Variants in LINC00237 observed in about 807,000 individuals in gnomAD.
The protein encoded by LINC00237 is long intergenic non-protein coding RNA 237.
At chr20:21,105,128 G>A (rs2030981808) in intron 1 of LINC00237, among the ~76,000 whole-genome samples, 1 of 152,160 alleles carries the variant, frequency 6.6e-6, no homozygotes, top group Non-Finnish European at 1.5e-5. Context: ...GAAGGAAAGC[G>A]GGCAGCCTGG....
intron 3 of LINC00237, chr20:21,087,683 A>T (rs1349189556): frequency 6.6e-6 from 1 of 152,212 alleles, no homozygotes; most frequent in East Asian, 1.9e-4. Context: ...TCTCTAGTAA[A>T]GCTGAACATA....
At chr20:21,086,671 A>G (rs867863836) in intron 3 of LINC00237, among the ~76,000 whole-genome samples, 2 of 6,484 alleles carry the variant, frequency 3.1e-4, no homozygotes, top group East Asian at 9.4e-3. Flanking sequence ...AGTATACTAT[A>G]TATAGTATAC....
chr20:21,087,182 T>C (rs1432244228), intron 3 of LINC00237, among the ~76,000 whole-genome samples: 2 of 151,662 alleles, frequency 1.3e-5, no homozygotes, highest in Non-Finnish European at 2.9e-5. Context: ...GTATGGATTA[T>C]GAATTAAAAA....
chr20:21,099,703 T>G (rs1012110703), intron 1 of LINC00237, among the ~76,000 whole-genome samples: 1 of 152,154 alleles, frequency 6.6e-6, no homozygotes, highest in Non-Finnish European at 1.5e-5. Context: ...TTAATGATAA[T>G]TACTTATTTT....
At chr20:21,086,080 C>T (rs148811173) in intron 3 of LINC00237, among the ~76,000 whole-genome samples, 7 of 152,272 alleles carry the variant, frequency 4.6e-5, no homozygotes, top group Admixed American at 6.5e-5. Flanking sequence ...TCTAAGCAAA[C>T]GCTGCTTAAA....
intron 1 of LINC00237, among the ~76,000 whole-genome samples, chr20:21,099,126 T>C (rs2030896497): frequency 6.6e-6 from 1 of 152,224 alleles, no homozygotes; most frequent in Non-Finnish European, 1.5e-5. Context: ...AAAGGATGTG[T>C]GCCCTCTCCA....
intron 1 of LINC00237, among the ~76,000 whole-genome samples, chr20:21,100,591 ATT>A (rs534942574): frequency 6.7e-6 from 1 of 150,062 alleles, no homozygotes; most frequent in African/African-American, 2.4e-5. Flanking sequence ...CCCCAAAAAC[ATT>A]TTTTTTTTCT....
At chr20:21,095,491 G>A (rs1003133991) in intron 1 of LINC00237, among the ~76,000 whole-genome samples, 1 of 152,214 alleles carries the variant, frequency 6.6e-6, no homozygotes, top group African/African-American at 2.4e-5. Flanking sequence ...GTAGGATAAA[G>A]AGGAGTACAC....
At chr20:21,104,654 TA>T (rs1007343226) in intron 1 of LINC00237, among the ~76,000 whole-genome samples, 2 of 152,162 alleles carry the variant, frequency 1.3e-5, no homozygotes, top group African/African-American at 4.8e-5. Flanking sequence ...TTTTTTTTCC[TA>T]AGAAGGGTTT....
chr20:21,099,973 T>C (rs935044982), intron 1 of LINC00237, among the ~76,000 whole-genome samples: 1 of 152,206 alleles, frequency 6.6e-6, no homozygotes, highest in Non-Finnish European at 1.5e-5. Flanking sequence ...ATTGGAGATG[T>C]GCATGGAATA....
intron 3 of LINC00237, among the ~76,000 whole-genome samples, chr20:21,087,001 T>A (rs1447029888): frequency 7.0e-6 from 1 of 143,868 alleles, no homozygotes; most frequent in Non-Finnish European, 1.5e-5. Context: ...ACATATATAG[T>A]ACATATATAG....
At chr20:21,086,630 GTATAC>G (rs2030701606) in intron 3 of LINC00237, among the ~76,000 whole-genome samples, 2 of 129,488 alleles carry the variant, frequency 1.5e-5, no homozygotes, top group Admixed American at 1.6e-4. Flanking sequence ...ACTATATATA[GTATAC>G]TATATATAGT....
intron 1 of LINC00237, among the ~76,000 whole-genome samples, chr20:21,103,120 C>T (rs1291637539): frequency 6.6e-6 from 1 of 152,266 alleles, no homozygotes; most frequent in Non-Finnish European, 1.5e-5. Context: ...GCGCACTCCC[C>T]GGCCTCAGAG....
In LINC00237 at chr20:21,101,996, T is replaced by A. The variant is rs2030938798; in HGVS notation, n.88+4275A>T. Among the ~76,000 whole-genome samples the A allele has an allele frequency of 6.6e-6, 1 of 152,224 alleles. No homozygotes were observed. Among genetic ancestry groups the A allele is most frequent in the African/African-American group, 2.4e-5 (1 of 41,476 alleles). On this transcript the variant is annotated intron_variant and non_coding_transcript_variant, in intron 1 of 3. Transcript: ENST00000691244. The surrounding 1 kb of genome is among the most constrained non-coding windows in gnomAD (Gnocchi z 4.3). The stretch of plus-strand genomic sequence containing the variant: ...CAGCCCCAGGCCGGCTTTGGATCCT[T>A]GGAGGCGGATACGCAAGGCCAGACC...
At chr20:21,102,146 A>G (rs899670491) in intron 1 of LINC00237, among the ~76,000 whole-genome samples, 1 of 152,242 alleles carries the variant, frequency 6.6e-6, no homozygotes, top group Admixed American at 6.5e-5. Flanking sequence ...TTGCGAACAG[A>G]GACCTGGCGA....
At chr20:21,098,675 G>A (rs1332720008) in intron 1 of LINC00237, among the ~76,000 whole-genome samples, 1 of 152,206 alleles carries the variant, frequency 6.6e-6, no homozygotes, top group Non-Finnish European at 1.5e-5. Flanking sequence ...CAAGTACTTA[G>A]ATTGTCAGCA....
intron 1 of LINC00237, among the ~76,000 whole-genome samples, chr20:21,103,222 T>C (rs895598303): frequency 2.6e-5 from 4 of 152,242 alleles, no homozygotes; most frequent in Non-Finnish European, 5.9e-5. Flanking sequence ...CTGCCCATCT[T>C]TCCCTGCTCA....
chr20:21,097,966 A>T lies in LINC00237; in HGVS notation n.89-4114T>A, dbSNP rs549767775. On this transcript the variant is annotated intron_variant and non_coding_transcript_variant, in intron 1 of 3. Coordinates refer to ENST00000691244, the Ensembl canonical transcript of LINC00237. Reference sequence around the variant, plus strand: ...TGTAGCTTTACTGACATAGTCAAAAATATAATACAAGCTCCCTGCCTTCTT... The same window carrying T: ...TGTAGCTTTACTGACATAGTCAAAATTATAATACAAGCTCCCTGCCTTCTT... 2.2e-4 allele frequency among the ~76,000 whole-genome samples: 34 copies of T among 152,366 alleles called. No homozygotes were observed. The South Asian group carries it at 6.8e-3, about 31-fold the overall frequency.
At chr20:21,098,203 A>G (rs2030884887) in intron 1 of LINC00237, among the ~76,000 whole-genome samples, 1 of 152,232 alleles carries the variant, frequency 6.6e-6, no homozygotes, top group Non-Finnish European at 1.5e-5. Flanking sequence ...GTTCCATTTA[A>G]GAAAAGAAAT....
Sources: gnomAD v4.1 joint callset for allele counts (sites outside exome capture counted in the v4.1 genomes callset) on GRCh38, gnomAD v4.1.1 for gene constraint, Gnocchi (gnomAD v3.1) non-coding constraint, MANE v1.5 for transcripts, NCBI Gene and HGNC (gene_info 2026-07-23, HGNC 2026-07-21) for gene names.